The following TNFSF8 variants were observed in gnomAD, a reference collection of about 807,000 sequenced individuals.
TNFSF8 encodes the protein TNF superfamily member 8, also known as tumor necrosis factor ligand superfamily member 8.
TNFSF8 carries 4 observed loss-of-function variants against 22.0 expected under a neutral mutation model. That is an observed-to-expected ratio of 0.18 (90% CI 0.09 to 0.42). The LOEUF is 0.42. Ranked by LOEUF, TNFSF8 falls within the 10% of genes least tolerant of loss-of-function variation. The probability of loss-of-function intolerance (pLI) is 1.00; values close to 1 mark genes in which losing one functional copy is unlikely to be tolerated. For missense variants in TNFSF8, 233 were observed against 281.8 expected (o/e 0.83, Z 1.24); for synonymous variants, 106 against 112.5 (o/e 0.94, Z 0.37).
intron 1 of TNFSF8, among the ~76,000 whole-genome samples, 174 bp downstream of exon 1, chr9:114,929,935 G>T (rs937480520): frequency 1.4e-5 from 2 of 147,362 alleles, no homozygotes; most frequent in African/African-American, 4.9e-5. Context: ...TAACATAAGT[G>T]TATTACGTTA....
chr9:114,914,769 C>T (rs1023223922), intron 2 of TNFSF8, among the ~76,000 whole-genome samples: 1 of 152,010 alleles, frequency 6.6e-6, no homozygotes, highest in Non-Finnish European at 1.5e-5. Flanking sequence ...GGGAAAGGTT[C>T]TCCTCCCAGG....
chr9:114,902,093 T>C lies in TNFSF8; in HGVS notation c.*1838A>G, dbSNP rs1438657980. The C allele has an allele frequency of 1.9e-5, 19 of 985,362 alleles. No homozygotes were observed. Among genetic ancestry groups the C allele is most frequent in the Non-Finnish European group, 2.3e-5 (19 of 829,930 alleles). 61.0% of individuals were successfully genotyped at this position (985,362 alleles called of 1,614,324 possible). A position where few individuals can be genotyped will look rare whatever the true frequency, so the allele number is the denominator to read the frequency against. ...GCATAACATCAGGGCCTACATTCCA[T>C]CTCAAACGGCTTGTCAAGGTCCTTC... On this transcript the variant is annotated 3_prime_UTR_variant, in exon 4 of 4. Coordinates refer to ENST00000223795, the MANE Select transcript of TNFSF8 (RefSeq NM_001244.4).
At chr9:114,919,596 G>T (rs1471430462) in intron 1 of TNFSF8, among the ~76,000 whole-genome samples, 2 of 152,148 alleles carry the variant, frequency 1.3e-5, no homozygotes, top group Non-Finnish European at 2.9e-5. Context: ...ACCTGCCCAG[G>T]TTGGAATCTC....
downstream of TNFSF8, among the ~76,000 whole-genome samples, chr9:114,899,036 C>T (rs1269146484): frequency 6.6e-6 from 1 of 152,118 alleles, no homozygotes; most frequent in Non-Finnish European, 1.5e-5. Flanking sequence ...ATGCTTCTCC[C>T]CCACCACCTA....
At position 114,901,356 on chromosome 9, in the gene TNFSF8, T is replaced by C; in HGVS notation, c.*2575A>G. Reference sequence around the variant, plus strand: ...TTGTTTGTTTGGTTACATTATTCATTTAAATGATGTACCCCTTGTGTCTTT... The same window carrying C: ...TTGTTTGTTTGGTTACATTATTCATCTAAATGATGTACCCCTTGTGTCTTT... On this transcript the variant is annotated 3_prime_UTR_variant, in exon 4 of 4. Transcript: ENST00000223795. 1 of 985,432 alleles carries C rather than the reference T, an allele frequency of 1.0e-6. No individual in the cohort carries two copies. Among genetic ancestry groups the C allele is most frequent in the African/African-American group, 1.7e-5 (1 of 57,350 alleles). The allele number at this position is 985,432 out of a possible 1,614,324, so 61.0% of individuals were successfully genotyped here.
Position 114,904,032 on chromosome 9 carries a change from T to C in TNFSF8, c.604A>G (p.Thr202Ala). The change falls in exon 4 of 4, where the codon ACC (threonine) becomes GCC (alanine). Residue 202 changes from threonine (T) to alanine (A), a missense_variant. By Grantham distance (58) the Thr-to-Ala change is moderately conservative. Coordinates refer to ENST00000223795, the MANE Select transcript of TNFSF8 (RefSeq NM_001244.4). ...QFLLDYLQVN[T>A]TISVNVDTFQ... ...GTATCCACATTGACTGATATGGTGG[T>C]GTTGACCTGCAGGTAATCCAGCAAG... is the stretch of plus-strand genomic sequence containing the variant. 2 of 1,614,118 alleles carry C rather than the reference T, an allele frequency of 1.2e-6. No individual in the cohort carries two copies. Among genetic ancestry groups the C allele is most frequent in the Non-Finnish European group, 1.7e-6 (2 of 1,179,976 alleles).
intron 1 of TNFSF8, among the ~76,000 whole-genome samples, chr9:114,923,478 T>C (rs926500619): frequency 3.8e-5 from 4 of 105,682 alleles, no homozygotes; most frequent in African/African-American, 7.4e-5. Context: ...TTTTCTTTCT[T>C]TTTCTTTCTT....
At chr9:114,893,865 A>T in exon 5 of TNFSF8, 1 of 520,766 alleles carries the variant, frequency 1.9e-6, no homozygotes, top group Non-Finnish European at 3.5e-6. Flanking sequence ...GGGTGGTCAG[A>T]CTTTTTTCTC....
intron 1 of TNFSF8, among the ~76,000 whole-genome samples, chr9:114,929,615 T>A (rs1159470043): frequency 6.6e-6 from 1 of 151,998 alleles, no homozygotes; most frequent in Non-Finnish European, 1.5e-5. Context: ...ATATAGAACC[T>A]CAGAATCCAG....
chr9:114,913,231 G>C (rs1390720077), intron 2 of TNFSF8, among the ~76,000 whole-genome samples: 2 of 152,154 alleles, frequency 1.3e-5, no homozygotes, highest in African/African-American at 2.4e-5. Context: ...TCTATCCACT[G>C]TTCCAACTTC....
At chr9:114,894,226 G>T in intron 4 of TNFSF8, 1 of 1,408,166 alleles carries the variant, frequency 7.1e-7, no homozygotes, top group Non-Finnish European at 9.7e-7. Flanking sequence ...ACATTTTGAC[G>T]TTGTTGTTAC....
intron 1 of TNFSF8, among the ~76,000 whole-genome samples, chr9:114,918,799 C>G (rs1349988159): frequency 6.6e-6 from 1 of 152,162 alleles, no homozygotes; most frequent in East Asian, 1.9e-4. Context: ...CAGGGTTTCA[C>G]CATATTGGCC....
At position 114,901,243 on chromosome 9, in the gene TNFSF8, A is replaced by C; in HGVS notation, c.*2688T>G. 1 of 985,440 alleles carries C rather than the reference A, an allele frequency of 1.0e-6. No homozygotes were observed. The allele number at this position is 985,440 out of a possible 1,614,324, so 61.0% of individuals were successfully genotyped here. A position where few individuals can be genotyped will look rare whatever the true frequency, so the allele number is the denominator to read the frequency against. On this transcript the variant is annotated 3_prime_UTR_variant, in exon 4 of 4. Transcript: ENST00000223795. ...CATTCCCAGGGGCTGGTTAACCCTCAAGAGTAACAGAATTTAGTTTTAAAC... is the reference window on the plus strand; with the variant it reads ...CATTCCCAGGGGCTGGTTAACCCTCCAGAGTAACAGAATTTAGTTTTAAAC...
intron 3 of TNFSF8, among the ~76,000 whole-genome samples, chr9:114,905,626 C>G (rs900689466): frequency 6.6e-6 from 1 of 152,122 alleles, no homozygotes; most frequent in Non-Finnish European, 1.5e-5. Flanking sequence ...GAAAGAGAAG[C>G]CTTGTAGCTT....
downstream of TNFSF8, among the ~76,000 whole-genome samples, chr9:114,898,399 A>T (rs111829579): frequency 6.6e-6 from 1 of 152,220 alleles, no homozygotes; most frequent in Non-Finnish European, 1.5e-5. Flanking sequence ...TATTATCACT[A>T]TCAATTCCAA....
At chr9:114,926,309 A>G (rs1214613851) in intron 1 of TNFSF8, among the ~76,000 whole-genome samples, 1 of 152,274 alleles carries the variant, frequency 6.6e-6, no homozygotes, top group African/African-American at 2.4e-5. Flanking sequence ...GGGCACCTGT[A>G]GTTCCAGCTA....
intron 2 of TNFSF8, among the ~76,000 whole-genome samples, chr9:114,906,579 G>A (rs1016811197): frequency 6.6e-6 from 1 of 152,150 alleles, no homozygotes; most frequent in African/African-American, 2.4e-5. Flanking sequence ...AGGCTATTTT[G>A]CTAGACAACG....
At chr9:114,925,868 C>T (rs1828050970) in intron 1 of TNFSF8, among the ~76,000 whole-genome samples, 1 of 152,138 alleles carries the variant, frequency 6.6e-6, no homozygotes, top group Non-Finnish European at 1.5e-5. Context: ...AAAGACGTCT[C>T]TAAGGTTGAG....
chr9:114,929,042 G>A (rs1212197011), intron 1 of TNFSF8, among the ~76,000 whole-genome samples: 1 of 152,262 alleles, frequency 6.6e-6, no homozygotes, highest in African/African-American at 2.4e-5. Flanking sequence ...ATGTGGGTGG[G>A]TGCAGCTCTT....
Sources: gnomAD v4.1 joint callset for allele counts (sites outside exome capture counted in the v4.1 genomes callset) on GRCh38, gnomAD v4.1.1 for gene constraint, MANE v1.5 for transcripts, NCBI Gene and HGNC (gene_info 2026-07-23, HGNC 2026-07-21) for gene names.